RAD50: variants seen among roughly 807,000 people sequenced by gnomAD.
RAD50 encodes DNA repair protein RAD50.
A neutral mutation model predicts 168.8 loss-of-function variants in RAD50; 132 were observed. The observed-to-expected ratio is 0.78, with a 90% CI of 0.68 to 0.90. The LOEUF is 0.90. RAD50 is among the 40% of genes least tolerant of loss of function. The probability of loss-of-function intolerance (pLI) is 0.00; values close to 1 mark genes in which losing one functional copy is unlikely to be tolerated. For missense variants in RAD50, 1,347 were observed against 1,534.4 expected, an observed-to-expected ratio of 0.88 and a Z score of 2.04; for synonymous variants, 525 against 497.4, an observed-to-expected ratio of 1.06 and a Z score of -0.74.
At chr5:132,559,177 C>G (rs1273052534) in intron 1 of RAD50, 107 bp from the exon 2 acceptor site, 1 of 1,114,438 alleles carries the variant, frequency 9.0e-7, no homozygotes, top group Non-Finnish European at 1.2e-6. Context: ...CAGATTTTAT[C>G]TTTTATAGTT....
rs1475760880 is a variant in RAD50 at position 132,557,181 on chromosome 5, T to C, written c.-144T>C. On this transcript the variant is annotated 5_prime_UTR_variant, in exon 1 of 25. Coordinates refer to ENST00000378823, the MANE Select transcript of RAD50 (RefSeq NM_005732.4). ...CCCGCTGTTGGCTGGCAGGATCTTT[T>C]GGCAGTCCTGTGGCCTCGCTCCCCG... 2.7e-6 allele frequency: 3 copies of C among 1,119,326 alleles called. No individual in the cohort carries two copies. The highest frequency in any genetic ancestry group is 3.9e-5 in the Admixed American group (2 of 51,182). 69.3% of individuals were successfully genotyped at this position (1,119,326 alleles called of 1,614,324 possible). A position where few individuals can be genotyped will look rare whatever the true frequency, so the allele number is the denominator to read the frequency against.
chr5:132,574,981 T>C (rs2149836053), intron 2 of RAD50, among the ~76,000 whole-genome samples: 1 of 152,308 alleles, frequency 6.6e-6, no homozygotes, highest in African/African-American at 2.4e-5. Flanking sequence ...TTCCAAACTT[T>C]CCCATATTTT....
chr5:132,576,457 A>T (rs1179366935), intron 3 of RAD50, among the ~76,000 whole-genome samples: 1 of 152,178 alleles, frequency 6.6e-6, no homozygotes, highest in Non-Finnish European at 1.5e-5. Context: ...CCTTAGATTC[A>T]AGTCTCTGTC....
chr5:132,593,778 A>G (rs1383701518), intron 11 of RAD50, among the ~76,000 whole-genome samples: 1 of 152,202 alleles, frequency 6.6e-6, no homozygotes, highest in Non-Finnish European at 1.5e-5. Context: ...TGTCACCTTG[A>G]GAGAGTTATG....
chr5:132,579,712 T>G, intron 4 of RAD50, 150 bp from the exon 5 acceptor site: 2 of 871,622 alleles, frequency 2.3e-6, no homozygotes, highest in Non-Finnish European at 3.6e-6. Context: ...AATGTAATTT[T>G]TTTCACTTAC....
intron 13 of RAD50, among the ~76,000 whole-genome samples, chr5:132,599,577 G>A (rs1750850592): frequency 6.6e-6 from 1 of 152,128 alleles, no homozygotes; most frequent in Non-Finnish European, 1.5e-5. Context: ...TTGATAGATA[G>A]GGTCTTGCTC....
intron 2 of RAD50, among the ~76,000 whole-genome samples, chr5:132,564,395 C>T (rs1325871158): frequency 6.6e-6 from 1 of 152,200 alleles, no homozygotes; most frequent in Non-Finnish European, 1.5e-5. Context: ...AGACTGGCAG[C>T]ATTGTGCCCC....
rs148214481 is a variant in RAD50 at position 132,591,325 on chromosome 5, G to C, written c.1554G>C (p.Leu518=). The C allele has an allele frequency of 2.0e-5, 33 of 1,613,868 alleles. No individual in the cohort carries two copies. The African/African-American group carries it at 4.3e-4, about 21-fold the overall frequency. ...QNEKADLDRT[L]RKLDQEMEQL... ...AAAAAGCAGACTTAGACAGGACCCT[G>C]CGTAAACTTGACCAGGAGATGGAGC... Residue 518 remains leucine (L), a synonymous_variant, in exon 10 of 25, where the codon CTG becomes CTC. Coordinates refer to ENST00000378823, the MANE Select transcript of RAD50 (RefSeq NM_005732.4).
rs2149865854 is a variant in RAD50, at chr5:132,640,794, T to C, written c.3741T>C (p.His1247=). 6.2e-7 allele frequency: 1 copy of C among 1,613,254 alleles called. No individual in the cohort carries two copies. Among genetic ancestry groups the C allele is most frequent in the Non-Finnish European group, 8.5e-7 (1 of 1,179,476 alleles). ...LDRENIESLA[H]ALVEIIKSRS... is the part of the protein sequence containing the mutation. ...GAGAAAACATTGAATCTCTTGCACA[T>C]GCTCTGGTTGAGTAAGTATCTCTTG... Residue 1247 remains histidine (H), a synonymous_variant, in exon 24 of 25, where the codon CAT becomes CAC. Coordinates refer to ENST00000378823, the MANE Select transcript of RAD50 (RefSeq NM_005732.4).
chr5:132,616,969 A>T (rs1019849604), intron 20 of RAD50, among the ~76,000 whole-genome samples: 2 of 152,212 alleles, frequency 1.3e-5, no homozygotes, highest in Non-Finnish European at 2.9e-5. Context: ...AAGTACTCTT[A>T]GCTATTTAAA....
At chr5:132,572,436 TAAAG>T (rs1314245197) in intron 2 of RAD50, among the ~76,000 whole-genome samples, 2 of 151,106 alleles carry the variant, frequency 1.3e-5, no homozygotes, top group African/African-American at 2.5e-5. Context: ...AAACCCTAAA[TAAAG>T]TAAAAGGAAT....
chr5:132,617,335 G>A (rs896874376), intron 20 of RAD50, among the ~76,000 whole-genome samples: 1 of 152,082 alleles, frequency 6.6e-6, no homozygotes, highest in African/African-American at 2.4e-5. Flanking sequence ...TTTTTCAAAC[G>A]TTTCTTCAAC....
At chr5:132,631,284 T>C (rs1751460697) in intron 21 of RAD50, among the ~76,000 whole-genome samples, 1 of 152,018 alleles carries the variant, frequency 6.6e-6, no homozygotes, top group Non-Finnish European at 1.5e-5. Context: ...CCACACCGGC[T>C]AATTTTTGTA....
At chr5:132,623,701 TTGG>T (rs1751323828) in intron 21 of RAD50, among the ~76,000 whole-genome samples, 1 of 152,214 alleles carries the variant, frequency 6.6e-6, no homozygotes, top group South Asian at 2.1e-4. Flanking sequence ...ACCTTAGATT[TTGG>T]TGGTGGTTGT....
chr5:132,579,762 T>C, intron 4 of RAD50, 100 bp from the exon 5 acceptor site: 1 of 1,096,188 alleles, frequency 9.1e-7, no homozygotes, highest in South Asian at 1.4e-5. Context: ...TAAAAACTCA[T>C]TGTAACTGTA....
chr5:132,572,290 A>T (rs1175730420), intron 2 of RAD50, among the ~76,000 whole-genome samples: 1 of 152,204 alleles, frequency 6.6e-6, no homozygotes, highest in Non-Finnish European at 1.5e-5. Flanking sequence ...CCACAGAAGT[A>T]CCCTAGGGAT....
Position 132,642,238 on chromosome 5 carries a change from A to T in RAD50, c.3813A>T (p.Glu1271Asp). 3 of 1,614,174 alleles carry T rather than the reference A, an allele frequency of 1.9e-6. No homozygotes were observed. The highest frequency in any genetic ancestry group is 2.5e-6 in the Non-Finnish European group (3 of 1,180,004). ...NFQLLVITHD[E>D]DFVELLGRSE... The stretch of plus-strand genomic sequence containing the variant: ...AGCTTCTGGTAATCACTCATGATGA[A>T]GATTTTGTGGAGCTTTTAGGACGTT... The change falls in exon 25 of 25, where the codon GAA becomes GAT. Residue 1271 changes from glutamate (E) to aspartate (D), a missense_variant. Transcript: ENST00000378823.
chr5:132,604,787 A>T lies in RAD50; in HGVS notation c.2525-19A>T. ...CTATGCCCTTACATTAATTACTGTGATAATATGTTTTTGTGTAGTTTCTAG... is the reference window on the plus strand; with the variant it reads ...CTATGCCCTTACATTAATTACTGTGTTAATATGTTTTTGTGTAGTTTCTAG... On this transcript the variant is annotated intron_variant, in intron 15 of 24. Coordinates refer to ENST00000378823, the MANE Select transcript of RAD50 (RefSeq NM_005732.4). 1.9e-6 allele frequency: 3 copies of T among 1,563,430 alleles called. No individual in the cohort carries two copies. Among genetic ancestry groups the T allele is most frequent in the Non-Finnish European group, 1.8e-6 (2 of 1,136,456 alleles).
intron 21 of RAD50, among the ~76,000 whole-genome samples, chr5:132,619,857 TATATATATATAAAG>T (rs1476628422): frequency 0.028 from 3,839 of 136,638 alleles, 73 homozygotes; most frequent in Non-Finnish European, 0.038. Flanking sequence ...TATATAAAGA[TATATATATATAAAG>T]ATATATATAT....
Sources: allele counts gnomAD v4.1 joint callset (sites outside exome capture counted in the v4.1 genomes callset), GRCh38; gene constraint gnomAD v4.1.1; transcripts MANE v1.5; gene names NCBI Gene and HGNC (gene_info 2026-07-23, HGNC 2026-07-21).